Variants in RTL4 observed in about 807,000 individuals in gnomAD.
The protein encoded by RTL4 is retrotransposon Gag-like protein 4.
RTL4 carries 4 observed loss-of-function variants against 5.3 expected under a neutral mutation model. That is an observed-to-expected ratio of 0.75 (90% CI 0.37 to 1.72). The LOEUF (loss-of-function observed/expected upper bound fraction) is 1.72. Ranked by LOEUF, RTL4 falls within the 40% of genes most tolerant of loss-of-function variation. The pLI, the probability that RTL4 is intolerant of heterozygous loss-of-function variation, is 0.04. For synonymous variants in RTL4, 98 were observed against 87.3 expected (o/e 1.12, Z -0.68); for missense variants, 260 against 227.1 (o/e 1.14, Z -0.93).
the RTL4 span, among the ~76,000 whole-genome samples, chrX:112,357,635 A>G: frequency 1.8e-5 from 2 of 112,268 alleles, no homozygotes; most frequent in South Asian, 7.3e-4. Flanking sequence ...TAAGGGCAGC[A>G]TATAGCTTAA....
At chrX:112,311,095 T>C in the RTL4 span, among the ~76,000 whole-genome samples, 1 of 107,892 alleles carries the variant, frequency 9.3e-6, no homozygotes, top group Non-Finnish European at 1.9e-5. Context: ...TCCTTGGAGT[T>C]GTGTCTTCCA....
chrX:112,269,710 A>G, the RTL4 span, among the ~76,000 whole-genome samples: 1 of 112,107 alleles, frequency 8.9e-6, no homozygotes, highest in Non-Finnish European at 1.9e-5. Flanking sequence ...CACCTCCCAG[A>G]TACAGATGTA....
the RTL4 span, among the ~76,000 whole-genome samples, chrX:112,347,504 G>A: frequency 1.8e-5 from 2 of 111,074 alleles, no homozygotes; most frequent in South Asian, 7.6e-4. Flanking sequence ...TTATTCCAAG[G>A]TTCAAGCCTA....
At chrX:112,363,186 G>A in the RTL4 span, among the ~76,000 whole-genome samples, 1 of 111,019 alleles carries the variant, frequency 9.0e-6, no homozygotes, top group South Asian at 3.8e-4. Flanking sequence ...TGGGAGGCTC[G>A]CAGATTGTCA....
At chrX:112,186,660 A>G in the RTL4 span, among the ~76,000 whole-genome samples, 2 of 112,021 alleles carry the variant, frequency 1.8e-5, no homozygotes, top group African/African-American at 3.2e-5. Flanking sequence ...CATAATTTGC[A>G]GTTGAGGAGT....
the RTL4 span, among the ~76,000 whole-genome samples, chrX:112,318,400 A>C: frequency 9.0e-6 from 1 of 111,645 alleles, no homozygotes; most frequent in Admixed American, 9.5e-5. Flanking sequence ...TATTTTGTTC[A>C]TGTATTCCCC....
the RTL4 span, among the ~76,000 whole-genome samples, chrX:112,313,159 A>G: frequency 3.7e-4 from 41 of 110,130 alleles, no homozygotes; most frequent in Non-Finnish European, 7.2e-4. Flanking sequence ...TAGAAAGGAC[A>G]TTTTTTTTTC....
chrX:112,296,992 T>G, the RTL4 span, among the ~76,000 whole-genome samples: 1 of 110,299 alleles, frequency 9.1e-6, no homozygotes, highest in South Asian at 3.9e-4. Flanking sequence ...AAAGATAGGA[T>G]TCAGGTGAAG....
At chrX:112,200,672 A>G in the RTL4 span, among the ~76,000 whole-genome samples, 57 of 112,096 alleles carry the variant, frequency 5.1e-4, 1 homozygote, top group Non-Finnish European at 1.3e-4. Flanking sequence ...GCTGATTTGA[A>G]CACCAAAGTT....
the RTL4 span, among the ~76,000 whole-genome samples, chrX:112,087,691 T>C: frequency 9.0e-6 from 1 of 111,358 alleles, no homozygotes; most frequent in African/African-American, 3.3e-5. Context: ...GGGTTTGAAT[T>C]CCAGATTCAT....
the RTL4 span, among the ~76,000 whole-genome samples, chrX:112,226,338 C>A: frequency 8.9e-6 from 1 of 112,042 alleles, no homozygotes; most frequent in African/African-American, 3.2e-5. Flanking sequence ...CTTTATGAAG[C>A]CTTCCATGTA....
chrX:112,256,102 T>C, the RTL4 span, among the ~76,000 whole-genome samples: 2 of 112,291 alleles, frequency 1.8e-5, no homozygotes, highest in Admixed American at 9.5e-5. Flanking sequence ...TTAGAGCATA[T>C]GCAATGATAT....
At chrX:112,101,585 A>T in the RTL4 span, among the ~76,000 whole-genome samples, 1,815 of 111,537 alleles carry the variant, frequency 0.016, 25 homozygotes, top group Non-Finnish European at 0.027. Flanking sequence ...CCCATAGGTG[A>T]CAAATTCCTG....
chrX:112,276,108 C>T, the RTL4 span, among the ~76,000 whole-genome samples: 1 of 111,923 alleles, frequency 8.9e-6, no homozygotes, highest in Non-Finnish European at 1.9e-5. Context: ...TCTTTCTCCT[C>T]CATTTGGCTT....
At chrX:112,416,259 T>C in the RTL4 span, among the ~76,000 whole-genome samples, 623 of 111,792 alleles carry the variant, frequency 5.6e-3, 6 homozygotes, top group African/African-American at 0.019. Context: ...TTAACTTAAT[T>C]GCATGTGTAA....
the RTL4 span, among the ~76,000 whole-genome samples, chrX:112,318,077 A>AACCAAATT: frequency 1.8e-5 from 2 of 111,911 alleles, no homozygotes; most frequent in African/African-American, 6.5e-5. Context: ...AAACATCACC[A>AACCAAATT]ACCAAATTCT....
chrX:112,197,464 C>T, the RTL4 span, among the ~76,000 whole-genome samples: 1 of 38 alleles, frequency 0.026, no homozygotes, highest in East Asian at 0.5. Context: ...AAATCCAGCT[C>T]TCTATGTAAT....
chrX:112,289,305 G>T, the RTL4 span, among the ~76,000 whole-genome samples: 1 of 112,200 alleles, frequency 8.9e-6, no homozygotes, highest in South Asian at 3.7e-4. Flanking sequence ...CAAGTCAGTG[G>T]ATGTTTATGA....
At chrX:112,125,680 ATT>A in the RTL4 span, among the ~76,000 whole-genome samples, 1 of 111,772 alleles carries the variant, frequency 8.9e-6, no homozygotes, top group African/African-American at 3.3e-5. Context: ...GTAATTGAAC[ATT>A]TACGTCTTTG....
Sources: gnomAD v4.1 joint callset for allele counts (sites outside exome capture counted in the v4.1 genomes callset) on GRCh38, gnomAD v4.1.1 for gene constraint, MANE v1.5 for transcripts, NCBI Gene and HGNC (gene_info 2026-07-23, HGNC 2026-07-21) for gene names.